The following WHR1 variants were observed in gnomAD, a reference collection of about 807,000 sequenced individuals.
The protein encoded by WHR1 is MHC class III HLA-RP1.
chr6:31,971,649 T>TCC, the WHR1 span: 1 of 1,608,990 alleles, frequency 6.2e-7, no homozygotes, highest in Non-Finnish European at 8.5e-7. The surrounding 1 kb of genome is among the most constrained non-coding windows in gnomAD (Gnocchi z 4.5). Flanking sequence ...TCTTCTCAGC[T>TCC]CCTCTCTTGG....
At chr6:31,972,766 C>G in the WHR1 span, 1 of 1,609,994 alleles carries the variant, frequency 6.2e-7, no homozygotes, top group African/African-American at 1.3e-5. The surrounding 1 kb of genome is among the most constrained non-coding windows in gnomAD (Gnocchi z 6.3). Flanking sequence ...TGGTGAGGGG[C>G]GTCGGTGCGA....
the WHR1 span, chr6:31,979,086 G>T: frequency 1.4e-6 from 2 of 1,414,318 alleles, no homozygotes. Flanking sequence ...AAAAACAAAA[G>T]AAAGAATTTC....
At chr6:31,977,001 C>T in the WHR1 span, among the ~76,000 whole-genome samples, 21 of 152,344 alleles carry the variant, frequency 1.4e-4, no homozygotes, top group Middle Eastern at 3.4e-3. Flanking sequence ...GCAGTACAGT[C>T]CAGCTTCGGC....
the WHR1 span, chr6:31,971,350 C>T: frequency 3.2e-6 from 5 of 1,553,936 alleles, no homozygotes; most frequent in South Asian, 3.7e-5. The surrounding 1 kb of genome is among the most constrained non-coding windows in gnomAD (Gnocchi z 4.5). Flanking sequence ...TTCCAGGAGC[C>T]AGCACAGCAG....
At chr6:31,977,009 G>A in the WHR1 span, among the ~76,000 whole-genome samples, 2 of 152,212 alleles carry the variant, frequency 1.3e-5, no homozygotes, top group Non-Finnish European at 2.9e-5. Context: ...GTCCAGCTTC[G>A]GCTCGGCATC....
chr6:31,980,331 C>A, the WHR1 span: 5 of 897,628 alleles, frequency 5.6e-6, no homozygotes, highest in Non-Finnish European at 6.6e-6. Flanking sequence ...ATTTTGTTAT[C>A]CAGTCTCTCT....
the WHR1 span, chr6:31,980,671 A>G: frequency 0.099 from 151,234 of 1,522,762 alleles, 14,600 homozygotes; most frequent in African/African-American, 0.27. Context: ...GGCTGTCCTT[A>G]GCATGGTCCG....
chr6:31,978,526 G>A, the WHR1 span, among the ~76,000 whole-genome samples: 2 of 152,156 alleles, frequency 1.3e-5, no homozygotes, highest in Admixed American at 1.3e-4. Context: ...GTAAACAGAA[G>A]TCCTGGTTTA....
At chr6:31,978,250 C>T in the WHR1 span, among the ~76,000 whole-genome samples, 17 of 152,142 alleles carry the variant, frequency 1.1e-4, no homozygotes, top group Middle Eastern at 3.4e-3. Flanking sequence ...CCTTAGTCTC[C>T]CAAGTAGCTA....
At chr6:31,971,315 C>T in the WHR1 span, 1 of 1,538,902 alleles carries the variant, frequency 6.5e-7, no homozygotes, top group Non-Finnish European at 8.8e-7. This position sits in a 1 kb window ranked among gnomAD's most constrained non-coding sequence, Gnocchi z 4.5. Flanking sequence ...CCACGCTTTG[C>T]TCACCCCTCC....
chr6:31,980,478 C>A, the WHR1 span: 1 of 1,613,110 alleles, frequency 6.2e-7, no homozygotes, highest in Non-Finnish European at 8.5e-7. Flanking sequence ...GAGTCCTCAC[C>A]GTCCGAGATG....
At chr6:31,971,298 C>T in the WHR1 span, 1 of 1,535,722 alleles carries the variant, frequency 6.5e-7, no homozygotes, top group Non-Finnish European at 8.8e-7. The surrounding 1 kb of genome is among the most constrained non-coding windows in gnomAD (Gnocchi z 4.5). Flanking sequence ...TCCAGATATA[C>T]TGCCTACCAC....
At chr6:31,971,327 A>T in the WHR1 span, 1 of 1,539,784 alleles carries the variant, frequency 6.5e-7, no homozygotes, top group Non-Finnish European at 8.8e-7. The surrounding 1 kb of genome is among the most constrained non-coding windows in gnomAD (Gnocchi z 4.5). Flanking sequence ...CACCCCTCCA[A>T]CCGGCCTCGG....
chr6:31,979,015 G>A, the WHR1 span: 19,938 of 1,611,090 alleles, frequency 0.012, 192 homozygotes, highest in African/African-American at 0.018. Flanking sequence ...GACTGTGTGC[G>A]TCAGGGGTGC....
the WHR1 span, among the ~76,000 whole-genome samples, chr6:31,975,824 C>T: frequency 6.6e-6 from 1 of 152,052 alleles, no homozygotes; most frequent in Non-Finnish European, 1.5e-5. Context: ...GGTGGCCGGG[C>T]AGAGGGGCTC....
At chr6:31,979,693 T>C in the WHR1 span, 17 of 1,155,100 alleles carry the variant, frequency 1.5e-5, no homozygotes, top group African/African-American at 2.6e-4. Flanking sequence ...GTTAATAAAA[T>C]GACCCAAGTT....
chr6:31,971,289 C>T, the WHR1 span: 1 of 1,537,170 alleles, frequency 6.5e-7, no homozygotes, highest in African/African-American at 1.4e-5. The surrounding 1 kb of genome is among the most constrained non-coding windows in gnomAD (Gnocchi z 4.5). Context: ...GTACGGGTCT[C>T]CAGATATACT....
At chr6:31,980,968 G>T in the WHR1 span, 1 of 603,502 alleles carries the variant, frequency 1.7e-6, no homozygotes, top group East Asian at 2.8e-5. Flanking sequence ...CTTGAGCCTA[G>T]GCGTCTGGCT....
At chr6:31,976,029 C>T in the WHR1 span, among the ~76,000 whole-genome samples, 1 of 141,102 alleles carries the variant, frequency 7.1e-6, no homozygotes, top group Non-Finnish European at 1.6e-5. Flanking sequence ...GCTGGCCGGG[C>T]GGGGGGGGCT....
Sources: allele counts gnomAD v4.1 joint callset (sites outside exome capture counted in the v4.1 genomes callset), GRCh38; gene constraint gnomAD v4.1.1; non-coding constraint Gnocchi (gnomAD v3.1); transcripts MANE v1.5; gene names NCBI Gene and HGNC (gene_info 2026-07-23, HGNC 2026-07-21).